The following KCNQ1OT1 variants were observed in gnomAD, a reference collection of about 807,000 sequenced individuals.
KCNQ1OT1 encodes KCNQ1 opposite strand/antisense transcript 1.
rs1305612999 is a variant in KCNQ1OT1 at position 2,670,154 on chromosome 11, G to A, written n.29841C>T. ...TCTGTCATTTGTTCTTATCACTGTC[G>A]GGCCCATCTGCCAAGGCAAGCACCC... On this transcript the variant is annotated non_coding_transcript_exon_variant, in exon 1 of 1. Transcript: ENST00000597346. This position sits in a 1 kb window ranked among gnomAD's most constrained non-coding sequence, Gnocchi z 4.9. 1.8e-5 allele frequency: 7 copies of A among 398,454 alleles called. No individual in the cohort carries two copies. Among genetic ancestry groups the A allele is most frequent in the Non-Finnish European group, 2.2e-5 (5 of 226,108 alleles). 24.7% of individuals were successfully genotyped at this position (398,454 alleles called of 1,614,324 possible).
Position 2,654,176 on chromosome 11 carries a change from C to G in KCNQ1OT1, n.45819G>C, listed in dbSNP as rs1849801041. The G allele has an allele frequency of 2.5e-6, 1 of 398,676 alleles. No homozygotes were observed. The allele number at this position is 398,676 out of a possible 1,614,324, so 24.7% of individuals were successfully genotyped here. A position where few individuals can be genotyped will look rare whatever the true frequency, so the allele number is the denominator to read the frequency against. On this transcript the variant is annotated non_coding_transcript_exon_variant, in exon 1 of 1. Coordinates refer to ENST00000597346, the Ensembl canonical transcript of KCNQ1OT1. This position sits in a 1 kb window ranked among gnomAD's most constrained non-coding sequence, Gnocchi z 6.4. ...GCCGGGCATGGGCAGCTGGCACAGG[C>G]TGTGGGGCTGCGGCTCAGCAATGTC...
At chr11:2,614,787 T>C (rs1849034952) in exon 1 of KCNQ1OT1, 1 of 398,382 alleles carries the variant, frequency 2.5e-6, no homozygotes, top group South Asian at 1.3e-4. Flanking sequence ...ATTGTTTTGA[T>C]TACTGCAGCT....
At chr11:2,680,604 T>C (rs1196975658) in exon 1 of KCNQ1OT1, 5 of 398,416 alleles carry the variant, frequency 1.3e-5, no homozygotes, top group African/African-American at 6.2e-5. Context: ...GATAGTAACA[T>C]CTTGCAAAAC....
At position 2,678,899 on chromosome 11, in the gene KCNQ1OT1, A is replaced by G. The variant is rs573327583; in HGVS notation, n.21096T>C. ...TGGACCCAAGGACCATTTCGTATAC[A>G]TGTATGATCATACTTTCAGGGCATC... On this transcript the variant is annotated non_coding_transcript_exon_variant, in exon 1 of 1. Coordinates refer to ENST00000597346, the Ensembl canonical transcript of KCNQ1OT1. This position sits in a 1 kb window ranked among gnomAD's most constrained non-coding sequence, Gnocchi z 4.9. 1.3e-5 allele frequency: 5 copies of G among 398,614 alleles called. No homozygotes were observed. The South Asian group carries it at 3.8e-4, about 30-fold the overall frequency. 24.7% of individuals were successfully genotyped at this position (398,614 alleles called of 1,614,324 possible). A position where few individuals can be genotyped will look rare whatever the true frequency, so the allele number is the denominator to read the frequency against.
At chr11:2,684,946 G>C (rs1850458822) in exon 1 of KCNQ1OT1, 5 of 398,566 alleles carry the variant, frequency 1.3e-5, no homozygotes, top group Admixed American at 4.4e-5. Flanking sequence ...TGTTATCTTT[G>C]TACCTGGTAA....
rs117435185 is a variant in KCNQ1OT1, at chr11:2,617,269, A to G, written n.82726T>C. On this transcript the variant is annotated non_coding_transcript_exon_variant, in exon 1 of 1. Coordinates refer to ENST00000597346, the Ensembl canonical transcript of KCNQ1OT1. The surrounding 1 kb of genome is among the most constrained non-coding windows in gnomAD (Gnocchi z 4.6). Reference sequence around the variant, plus strand: ...CCCATGGTAACCACTAGTTTATTCTATCTCTGTATATTTGACTTTTTTCTT... The same window carrying G: ...CCCATGGTAACCACTAGTTTATTCTGTCTCTGTATATTTGACTTTTTTCTT... 5.0e-6 allele frequency: 2 copies of G among 398,172 alleles called. No homozygotes were observed. Among genetic ancestry groups the G allele is most frequent in the African/African-American group, 2.1e-5 (1 of 48,584 alleles). The allele number at this position is 398,172 out of a possible 1,614,324, so 24.7% of individuals were successfully genotyped here.
exon 1 of KCNQ1OT1, chr11:2,618,451 A>G (rs1242018506): frequency 2.5e-6 from 1 of 398,590 alleles, no homozygotes; most frequent in Non-Finnish European, 4.4e-6. Flanking sequence ...GTCATTTATG[A>G]GAGAGACTAT....
Position 2,673,105 on chromosome 11 carries a change from A to T in KCNQ1OT1, n.26890T>A, listed in dbSNP as rs536277416. On this transcript the variant is annotated non_coding_transcript_exon_variant, in exon 1 of 1. Transcript: ENST00000597346. This position sits in a 1 kb window ranked among gnomAD's most constrained non-coding sequence, Gnocchi z 4.5. ...GTAGGCCTTCACGGTACTCAGCAGG[A>T]GACCCCAGCAGGCAGCATCAGGGCA... The T allele has an allele frequency of 5.8e-5, 23 of 398,920 alleles. No individual in the cohort carries two copies. In the South Asian group the frequency reaches 6.4e-4, roughly 11 times the overall value. The allele number at this position is 398,920 out of a possible 1,614,324, so 24.7% of individuals were successfully genotyped here.
At chr11:2,630,350 A>G in exon 1 of KCNQ1OT1, 1 of 398,238 alleles carries the variant, frequency 2.5e-6, no homozygotes, top group East Asian at 3.6e-5. Flanking sequence ...ATAGTCATAA[A>G]AAAATATCAG....
At position 2,664,495 on chromosome 11, in the gene KCNQ1OT1, G is replaced by A. The variant is rs1051376955; in HGVS notation, n.35500C>T. Reference sequence around the variant, plus strand: ...CCACTCCATCTGGGGGAGAAGGCTGGCAGCAGTGGGCACCCTGTTTCCTCA... The same window carrying A: ...CCACTCCATCTGGGGGAGAAGGCTGACAGCAGTGGGCACCCTGTTTCCTCA... On this transcript the variant is annotated non_coding_transcript_exon_variant, in exon 1 of 1. Transcript: ENST00000597346. The surrounding 1 kb of genome is among the most constrained non-coding windows in gnomAD (Gnocchi z 5.1). 2.0e-5 allele frequency: 8 copies of A among 398,654 alleles called. No homozygotes were observed. The South Asian group carries it at 8.9e-4, about 44-fold the overall frequency. The allele number at this position is 398,654 out of a possible 1,614,324, so 24.7% of individuals were successfully genotyped here.
exon 1 of KCNQ1OT1, chr11:2,689,962 G>T: frequency 2.5e-6 from 1 of 398,844 alleles, no homozygotes. Flanking sequence ...ACTAGCCTCA[G>T]AGCCTGGCTG....
chr11:2,662,490 G>T, exon 1 of KCNQ1OT1: 1 of 463,852 alleles, frequency 2.2e-6, no homozygotes. Flanking sequence ...AGTTGCTGCT[G>T]CTGTCCTCAG....
chr11:2,616,404 T>G (rs965506389), exon 1 of KCNQ1OT1: 3 of 397,922 alleles, frequency 7.5e-6, no homozygotes, highest in African/African-American at 4.1e-5. Flanking sequence ...TTATCTCCAC[T>G]CATACATATT....
At chr11:2,622,685 C>T (rs1212986869) in exon 1 of KCNQ1OT1, 2 of 398,252 alleles carry the variant, frequency 5.0e-6, no homozygotes, top group African/African-American at 2.1e-5. Context: ...ATTCTCTATT[C>T]GATTGTCTGT....
exon 1 of KCNQ1OT1, chr11:2,693,409 G>A: frequency 2.5e-6 from 1 of 398,682 alleles, no homozygotes; most frequent in Admixed American, 4.4e-5. Context: ...GGCCTAAGCT[G>A]GGAATAAGCT....
At chr11:2,614,141 A>G in exon 1 of KCNQ1OT1, 2 of 398,462 alleles carry the variant, frequency 5.0e-6, no homozygotes, top group Non-Finnish European at 8.8e-6. Context: ...TGTCTCTGAG[A>G]TACATCTACT....
exon 1 of KCNQ1OT1, chr11:2,618,239 G>A (rs948117209): frequency 5.0e-6 from 2 of 398,220 alleles, no homozygotes; most frequent in Admixed American, 4.4e-5. Flanking sequence ...GCTTCCCGGG[G>A]CCACACTGTA....
chr11:2,697,480 GA>G, exon 1 of KCNQ1OT1: 1 of 398,524 alleles, frequency 2.5e-6, no homozygotes, highest in Non-Finnish European at 4.4e-6. Context: ...CAAGTTTACT[GA>G]AAAGTTAAGT....
At chr11:2,615,745 A>G in exon 1 of KCNQ1OT1, 2 of 398,046 alleles carry the variant, frequency 5.0e-6, no homozygotes, top group East Asian at 3.6e-5. Context: ...TGTGGTCATG[A>G]TATATAATCC....
Sources: allele counts gnomAD v4.1 joint callset, GRCh38; gene constraint gnomAD v4.1.1; non-coding constraint Gnocchi (gnomAD v3.1); transcripts MANE v1.5; gene names NCBI Gene and HGNC (gene_info 2026-07-23, HGNC 2026-07-21).